The following MCTP1 variants were observed in gnomAD, a reference collection of about 807,000 sequenced individuals.
The protein encoded by MCTP1 is multiple C2 and transmembrane domain-containing protein 1.
In MCTP1, 69 loss-of-function variants were observed where a neutral mutation model predicts 120.6. That is an observed-to-expected ratio of 0.57 (90% CI 0.47 to 0.70). The LOEUF (loss-of-function observed/expected upper bound fraction) is 0.70. Ranked by LOEUF, MCTP1 falls within the 30% of genes least tolerant of loss-of-function variation. MCTP1 has a pLI of 0.00. For synonymous variants in MCTP1, 529 were observed against 493.1 expected (o/e 1.07, Z -0.96); for missense variants, 1,203 against 1,248.8 (o/e 0.96, Z 0.55).
chr5:95,266,210 G>A (rs749529533), intron 1 of MCTP1, among the ~76,000 whole-genome samples: 1 of 152,184 alleles, frequency 6.6e-6, no homozygotes, highest in Admixed American at 6.5e-5. Context: ...AAATAAATAT[G>A]CAGGCCATGG....
intron 5 of MCTP1, among the ~76,000 whole-genome samples, chr5:94,939,154 A>T (rs1816932189): frequency 6.6e-6 from 1 of 152,086 alleles, no homozygotes; most frequent in Non-Finnish European, 1.5e-5. Flanking sequence ...CAATGAGTTT[A>T]AAGTATTTCC....
intron 17 of MCTP1, among the ~76,000 whole-genome samples, chr5:94,840,746 T>C (rs1458299524): frequency 6.6e-6 from 1 of 152,216 alleles, no homozygotes; most frequent in Admixed American, 6.5e-5. Flanking sequence ...ACAAGTACTC[T>C]TGTAAGAATG....
intron 17 of MCTP1, among the ~76,000 whole-genome samples, chr5:94,852,390 A>C (rs551199022): frequency 1.4e-3 from 213 of 152,006 alleles, no homozygotes; most frequent in Middle Eastern, 6.8e-3. Flanking sequence ...AGCTGGGGCA[A>C]ATAAATTCAT....
At chr5:95,162,291 G>T (rs1016693765) in intron 1 of MCTP1, among the ~76,000 whole-genome samples, 1 of 152,120 alleles carries the variant, frequency 6.6e-6, no homozygotes, top group Admixed American at 6.5e-5. Flanking sequence ...AGACAAGGGT[G>T]CCTCATCACT....
intron 1 of MCTP1, among the ~76,000 whole-genome samples, chr5:95,250,131 A>G (rs1360797912): frequency 1.3e-5 from 2 of 152,118 alleles, no homozygotes; most frequent in African/African-American, 4.8e-5. Flanking sequence ...CGTTGTGCAC[A>G]TGTACCCTAG....
intron 1 of MCTP1, among the ~76,000 whole-genome samples, chr5:95,084,982 A>G (rs1755317073): frequency 1.3e-5 from 2 of 152,120 alleles, no homozygotes; most frequent in South Asian, 4.1e-4. Flanking sequence ...GAATTTATAC[A>G]GTGTTGACAA....
At chr5:95,271,129 G>C (rs149307411) in intron 1 of MCTP1, among the ~76,000 whole-genome samples, 2 of 152,126 alleles carry the variant, frequency 1.3e-5, no homozygotes, top group East Asian at 3.9e-4. Context: ...CCTAGAAAAA[G>C]AATAGATTTT....
At chr5:94,855,289 G>A (rs912647776) in intron 17 of MCTP1, among the ~76,000 whole-genome samples, 1 of 151,758 alleles carries the variant, frequency 6.6e-6, no homozygotes, top group South Asian at 2.1e-4. Context: ...AAAGCAGTCA[G>A]CCCTAATATC....
chr5:95,204,405 T>C (rs1306618103), intron 1 of MCTP1, among the ~76,000 whole-genome samples: 1 of 152,118 alleles, frequency 6.6e-6, no homozygotes, highest in Non-Finnish European at 1.5e-5. Flanking sequence ...AACTCATAGC[T>C]ACCCAGCATC....
At chr5:95,210,403 G>C (rs979126855) in intron 1 of MCTP1, among the ~76,000 whole-genome samples, 1 of 150,526 alleles carries the variant, frequency 6.6e-6, no homozygotes, top group African/African-American at 2.4e-5. Flanking sequence ...TCTTCTTGTT[G>C]AATTGATCCC....
chr5:94,791,500 T>TACACACACACACAC (rs1215532713), intron 18 of MCTP1, among the ~76,000 whole-genome samples: 3,333 of 149,138 alleles, frequency 0.022, 62 homozygotes, highest in African/African-American at 0.045. Context: ...GTTTCTAAAA[T>TACACACACACACAC]ACACACACAC....
Position 94,788,144 on chromosome 5 carries a change from G to A in MCTP1, c.2557-8981C>T, listed in dbSNP as rs182407581. On this transcript the variant is annotated intron_variant, in intron 18 of 22. Coordinates refer to ENST00000515393, the MANE Select transcript of MCTP1 (RefSeq NM_024717.7). The stretch of plus-strand genomic sequence containing the variant: ...GGTAAACTGACTTTCTCTTGTTTAA[G>A]CAACGCTACCAGAACATTCAGTTAG... 1.1e-4 allele frequency among the ~76,000 whole-genome samples: 16 copies of A among 152,310 alleles called. No individual in the cohort carries two copies. In the East Asian group the frequency reaches 2.9e-3, roughly 28 times the overall value.
At chr5:95,253,220 T>C (rs1757543413) in intron 1 of MCTP1, among the ~76,000 whole-genome samples, 1 of 152,184 alleles carries the variant, frequency 6.6e-6, no homozygotes, top group Admixed American at 6.5e-5. Context: ...CTTAGTTTTA[T>C]GTGCATGAAA....
intron 2 of MCTP1, among the ~76,000 whole-genome samples, chr5:95,016,834 ATTT>A (rs1444688591): frequency 6.6e-6 from 1 of 152,024 alleles, no homozygotes; most frequent in Non-Finnish European, 1.5e-5. Flanking sequence ...ACTTAAGAGT[ATTT>A]GCCTTATCTT....
chr5:95,013,617 C>T (rs1212613238), intron 2 of MCTP1, among the ~76,000 whole-genome samples: 15 of 152,126 alleles, frequency 9.9e-5, no homozygotes, highest in Non-Finnish European at 2.1e-4. Context: ...GCCTGGATGA[C>T]AGCATATCTA....
chr5:95,163,506 T>A (rs1393606486), intron 1 of MCTP1, among the ~76,000 whole-genome samples: 1 of 152,178 alleles, frequency 6.6e-6, no homozygotes, highest in Non-Finnish European at 1.5e-5. Context: ...GAAAAATGCA[T>A]ATTAGCCTGT....
chr5:94,885,097 C>T (rs1367205352), intron 12 of MCTP1, among the ~76,000 whole-genome samples: 1 of 152,058 alleles, frequency 6.6e-6, no homozygotes, highest in Non-Finnish European at 1.5e-5. Context: ...CTTCCTCTCC[C>T]TCTATTGTTT....
At chr5:95,043,567 C>T (rs1318718605) in intron 1 of MCTP1, among the ~76,000 whole-genome samples, 4 of 152,094 alleles carry the variant, frequency 2.6e-5, no homozygotes, top group Non-Finnish European at 5.9e-5. Flanking sequence ...ATTGCAAATC[C>T]AGGGTGAGGA....
chr5:94,767,958 C>T (rs1773175691), intron 19 of MCTP1, among the ~76,000 whole-genome samples: 3 of 152,058 alleles, frequency 2.0e-5, no homozygotes, highest in Admixed American at 2.0e-4. Flanking sequence ...CAATCCAGTG[C>T]AAAAAGAACA....
Sources: gnomAD v4.1 joint callset for allele counts (sites outside exome capture counted in the v4.1 genomes callset) on GRCh38, gnomAD v4.1.1 for gene constraint, MANE v1.5 for transcripts, NCBI Gene and HGNC (gene_info 2026-07-23, HGNC 2026-07-21) for gene names.